Variants in ULK3 observed in about 807,000 individuals in gnomAD.
The protein encoded by ULK3 is serine/threonine-protein kinase ULK3.
A neutral mutation model predicts 69.4 loss-of-function variants in ULK3; 54 were observed. The ratio of observed to expected loss-of-function variants is 0.78; its 90% CI spans 0.63 to 0.98. The LOEUF (loss-of-function observed/expected upper bound fraction) is 0.98. Ranked by LOEUF, ULK3 falls within the 50% of genes least tolerant of loss-of-function variation. The pLI is 0.00. For synonymous variants in ULK3, 240 were observed against 254.5 expected, an observed-to-expected ratio of 0.94 and a Z score of 0.54; for missense variants, 558 against 627.7, an observed-to-expected ratio of 0.89 and a Z score of 1.19.
chr15:74,838,533 G>A lies in ULK3; in HGVS notation c.1103-29C>T, dbSNP rs749413039. The A allele has an allele frequency of 3.2e-6, 5 of 1,567,020 alleles. No individual in the cohort carries two copies. In the East Asian group the frequency reaches 7.1e-5, roughly 22 times the overall value. ...AGATGAGGGGAAAGGCTCAGGGTGA[G>A]GGAAGCAACCTGCCTGTTCGCTGCA... is the stretch of plus-strand genomic sequence containing the variant. On this transcript the variant is annotated intron_variant, in intron 10 of 15. Coordinates refer to ENST00000440863, the MANE Select transcript of ULK3 (RefSeq NM_001099436.4).
Position 74,838,517 on chromosome 15 carries a change from G to C in ULK3, c.1103-13C>G. The C allele has an allele frequency of 6.4e-6, 10 of 1,570,238 alleles. No homozygotes were observed. Among genetic ancestry groups the C allele is most frequent in the Non-Finnish European group, 8.6e-6 (10 of 1,157,636 alleles). ...TCCCGGGCCATCTCTGAGATGAGGG[G>C]AAAGGCTCAGGGTGAGGGAAGCAAC... is the stretch of plus-strand genomic sequence containing the variant. On this transcript the variant is annotated splice_polypyrimidine_tract_variant and intron_variant, in intron 10 of 15. Coordinates refer to ENST00000440863, the MANE Select transcript of ULK3 (RefSeq NM_001099436.4).
intron 6 of ULK3, 144 bp from the exon 7 acceptor site, chr15:74,839,857 G>A: frequency 8.2e-7 from 1 of 1,214,620 alleles, no homozygotes. Context: ...GGGTCAGGAT[G>A]ATGGAGCCAG....
Position 74,841,424 on chromosome 15 carries a change from C to T in ULK3, c.450G>A (p.Lys150=). ...ACAGACCTGCCAGTTTTAGGTGGGG[C>T]TTCTCCAAGGAGCTCAGTAGAATGT... ...PQNILLSSLE[K]PHLKLADFGF... is the part of the protein sequence containing the mutation. The change falls in exon 4 of 16, where the codon AAG becomes AAA. Residue 150 remains lysine (K), a synonymous_variant. Coordinates refer to ENST00000440863, the MANE Select transcript of ULK3 (RefSeq NM_001099436.4). 1.9e-6 allele frequency: 3 copies of T among 1,613,890 alleles called. No homozygotes were observed. Among genetic ancestry groups the T allele is most frequent in the Non-Finnish European group, 2.5e-6 (3 of 1,179,832 alleles).
chr15:74,841,288 G>A (rs2064236011), intron 4 of ULK3, 117 bp downstream of exon 4: 10 of 780,726 alleles, frequency 1.3e-5, no homozygotes, highest in Middle Eastern at 2.7e-4. Flanking sequence ...TTCACGGCCT[G>A]TCACTCTTTG....
In ULK3 at chr15:74,840,578, A is replaced by G. The variant is rs2064211534; in HGVS notation, c.533T>C (p.Leu178Pro). 1 of 1,608,554 alleles carries G rather than the reference A, an allele frequency of 6.2e-7. No individual in the cohort carries two copies. The highest frequency in any genetic ancestry group is 1.3e-5 in the African/African-American group (1 of 74,534). ...GCACACCATCTCGGGGGCCATGTAG[A>G]GGGGGGAGCCACGGAGCACGTGCTT... ...DEKHVLRGSP[L>P]YMAPEMVCQR... Residue 178 changes from leucine (L) to proline (P), a missense_variant, in exon 5 of 16, where the codon CTC (leucine) becomes CCC (proline). Physicochemically the swap from Leu to Pro is moderately conservative, Grantham distance 98. Coordinates refer to ENST00000440863, the MANE Select transcript of ULK3 (RefSeq NM_001099436.4).
intron 14 of ULK3, 102 bp from the exon 15 acceptor site, chr15:74,837,537 GCGC>G (rs2064061671): frequency 1.5e-6 from 1 of 658,244 alleles, no homozygotes; most frequent in African/African-American, 1.9e-5. Context: ...ACGAGCCACA[GCGC>G]AGTGCCGAGC....
chr15:74,839,321 G>T lies in ULK3; in HGVS notation c.905C>A (p.Ala302Asp). ...AGCCTTGCAGTAGAGTGATAAGGCA[G>T]CTGCTGAATCCCCCTCCTGGTCTTT... ...VKKDQEGDSA[A>D]ALSLYCKALD... is the part of the protein sequence containing the mutation. The change falls in exon 8 of 16, where the codon GCT becomes GAT. Residue 302 changes from alanine to aspartate, a missense_variant. Physicochemically the swap from Ala to Asp is moderately radical, Grantham distance 126. Transcript: ENST00000440863. 6.4e-7 allele frequency: 1 copy of T among 1,567,128 alleles called. No individual in the cohort carries two copies.
rs567460871 is a variant in ULK3 at position 74,839,484 on chromosome 15, C to T, written c.852+74G>A. 5.2e-6 allele frequency: 8 copies of T among 1,538,600 alleles called. No homozygotes were observed. The African/African-American group carries it at 1.1e-4, about 21-fold the overall frequency. On this transcript the variant is annotated intron_variant, in intron 7 of 15. Coordinates refer to ENST00000440863, the MANE Select transcript of ULK3 (RefSeq NM_001099436.4). Reference sequence around the variant, plus strand: ...CCTCTGTCTCTGTTGGGTGAGTCACCAATTCACCACCAACGGGGGCAAGGA... The same window carrying T: ...CCTCTGTCTCTGTTGGGTGAGTCACTAATTCACCACCAACGGGGGCAAGGA...
intron 3 of ULK3, among the ~76,000 whole-genome samples, chr15:74,841,853 T>C (rs1269496246): frequency 1.3e-5 from 2 of 152,204 alleles, no homozygotes; most frequent in African/African-American, 4.8e-5. Flanking sequence ...TTATGTTCTA[T>C]GTATGGAAGC....
In ULK3 at chr15:74,842,346, G is replaced by C; in HGVS notation, c.177C>G (p.Leu59=). 6.2e-7 allele frequency: 1 copy of C among 1,614,020 alleles called. No individual in the cohort carries two copies. Among genetic ancestry groups the C allele is most frequent in the Non-Finnish European group, 8.5e-7 (1 of 1,179,892 alleles). ...KSLNKASVEN[L]LTEIEILKGI... ...CCTTGAGGATCTCAATCTCCGTGAG[G>C]AGGTTCTCCACCGATGCCTTGTTCA... The change falls in exon 2 of 16, where the codon CTC becomes CTG. Residue 59 remains leucine, a synonymous_variant. Transcript: ENST00000440863. This position sits in a 1 kb window ranked among gnomAD's most constrained non-coding sequence, Gnocchi z 4.9.
chr15:74,838,566 T>G lies in ULK3; in HGVS notation c.1103-62A>C, dbSNP rs2141136951. ...ACCTGCCTGTTCGCTGCAGGATGCC[T>G]CTCCCCACCCGCCTCCCCCTCAGGC... On this transcript the variant is annotated intron_variant, in intron 10 of 15. Coordinates refer to ENST00000440863, the MANE Select transcript of ULK3 (RefSeq NM_001099436.4). 3.2e-6 allele frequency: 5 copies of G among 1,569,588 alleles called. No individual in the cohort carries two copies. In the East Asian group the frequency reaches 7.1e-5, roughly 22 times the overall value.
At chr15:74,840,120 CA>C in intron 6 of ULK3, 113 bp downstream of exon 6, 1 of 1,344,876 alleles carries the variant, frequency 7.4e-7, no homozygotes, top group East Asian at 2.5e-5. Flanking sequence ...CCCTCCACCA[CA>C]AAGGCAGCCT....
At chr15:74,838,787 C>T (rs2064128902) in intron 9 of ULK3, 42 bp from the exon 10 acceptor site, 2 of 1,542,250 alleles carry the variant, frequency 1.3e-6, no homozygotes, top group Non-Finnish European at 1.8e-6. Flanking sequence ...GTCTCACCAG[C>T]TACCCTTGCC....
rs1489896221 is a variant in ULK3 at position 74,838,328 on chromosome 15, C to A, written c.1184G>T (p.Gly395Val). The change falls in exon 12 of 16, where the codon GGG becomes GTG. Residue 395 changes from glycine (G) to valine (V), a missense_variant. By Grantham distance (109) the Gly-to-Val change is moderately radical (BLOSUM62 -3). Coordinates refer to ENST00000440863, the MANE Select transcript of ULK3 (RefSeq NM_001099436.4). ...GTACAGGTCCAGGGCATCCTGCTCC[C>A]CGCCGGCGGCCTCCTCCTGCAGCCA... ...AAMAKEEAAG[G>V]EQDALDLYQH... The A allele has an allele frequency of 6.4e-7, 1 of 1,567,304 alleles. No individual in the cohort carries two copies. Among genetic ancestry groups the A allele is most frequent in the East Asian group, 2.4e-5 (1 of 41,778 alleles).
intron 9 of ULK3, 40 bp downstream of exon 9, chr15:74,838,970 C>A: frequency 6.3e-7 from 1 of 1,576,350 alleles, no homozygotes; most frequent in Non-Finnish European, 8.6e-7. Context: ...CCGGGCCTTA[C>A]CCCCTGCCCC....
At chr15:74,841,988 C>T in intron 3 of ULK3, 87 bp downstream of exon 3, 1 of 1,591,874 alleles carries the variant, frequency 6.3e-7, no homozygotes. Context: ...GCAATGCGTG[C>T]CAAGGCTCTA....
rs2064247914 is a variant in ULK3 at position 74,841,510 on chromosome 15, C to G, written c.365-1G>C. 1 of 1,613,588 alleles carries G rather than the reference C, an allele frequency of 6.2e-7. No homozygotes were observed. Among genetic ancestry groups the G allele is most frequent in the South Asian group, 1.1e-5 (1 of 91,086 alleles). ...TCATGCAGGAATTGCAGGGCGCTAG[C>G]TGAGGAGCAGGACCCACGAAGAGAG... On this transcript the variant is annotated splice_acceptor_variant, in intron 3 of 15. Transcript: ENST00000440863. LOFTEE classifies it high-confidence loss of function.
rs182854590 is a variant in ULK3, at chr15:74,840,490, G to A, written c.613+8C>T. 2 of 1,602,786 alleles carry A rather than the reference G, an allele frequency of 1.2e-6. No homozygotes were observed. The highest frequency in any genetic ancestry group is 4.5e-5 in the East Asian group (2 of 44,370). ...CTCAGGGTGAGAAGCAGGGAAAAGA[G>A]GTCTCACCATACAGGATGACCCCCA... is the stretch of plus-strand genomic sequence containing the variant. On this transcript the variant is annotated splice_region_variant and intron_variant, in intron 5 of 15. Transcript: ENST00000440863.
At position 74,842,251 on chromosome 15, in the gene ULK3, T is replaced by C. The variant is rs1434305805; in HGVS notation, c.243+29A>G. Reference sequence around the variant, plus strand: ...GAGAGTGTCCCTTCTCCAGCTCCCTTTGGCAGCGGCCCCGCCCCAGGCTCA... The same window carrying C: ...GAGAGTGTCCCTTCTCCAGCTCCCTCTGGCAGCGGCCCCGCCCCAGGCTCA... On this transcript the variant is annotated intron_variant, in intron 2 of 15. Coordinates refer to ENST00000440863, the MANE Select transcript of ULK3 (RefSeq NM_001099436.4). The surrounding 1 kb of genome is among the most constrained non-coding windows in gnomAD (Gnocchi z 4.9). 1 of 1,613,890 alleles carries C rather than the reference T, an allele frequency of 6.2e-7. No individual in the cohort carries two copies. Among genetic ancestry groups the C allele is most frequent in the Non-Finnish European group, 8.5e-7 (1 of 1,179,816 alleles).
Sources: allele counts gnomAD v4.1 joint callset (sites outside exome capture counted in the v4.1 genomes callset), GRCh38; gene constraint gnomAD v4.1.1; non-coding constraint Gnocchi (gnomAD v3.1); transcripts MANE v1.5; gene names NCBI Gene and HGNC (gene_info 2026-07-23, HGNC 2026-07-21).